ARHGAP26: variants seen among roughly 807,000 people sequenced by gnomAD.
The protein encoded by ARHGAP26 is Rho GTPase activating protein 26.
ARHGAP26 carries 38 observed loss-of-function variants against 104.8 expected under a neutral mutation model. The ratio of observed to expected loss-of-function variants is 0.36; its 90% CI spans 0.28 to 0.48. ARHGAP26 has a LOEUF of 0.48. Ranked by LOEUF, ARHGAP26 falls within the 20% of genes least tolerant of loss-of-function variation. The probability of loss-of-function intolerance (pLI) is 0.99; values close to 1 mark genes in which losing one functional copy is unlikely to be tolerated. For missense variants in ARHGAP26, 704 were observed against 947.9 expected, an observed-to-expected ratio of 0.74 and a Z score of 3.38; for synonymous variants, 341 against 340.0, an observed-to-expected ratio of 1.00 and a Z score of -0.03.
At chr5:143,087,306 T>C in intron 17 of ARHGAP26, among the ~76,000 whole-genome samples, 1 of 152,248 alleles carries the variant, frequency 6.6e-6, no homozygotes, top group Admixed American at 6.5e-5. Flanking sequence ...AACTTGGTTC[T>C]TTCATTGGAA....
intron 1 of ARHGAP26, among the ~76,000 whole-genome samples, chr5:142,835,658 C>T (rs902099147): frequency 6.6e-6 from 1 of 152,142 alleles, no homozygotes; most frequent in African/African-American, 2.4e-5. Flanking sequence ...TTTTATTGAG[C>T]ATTTTCTATG....
intron 1 of ARHGAP26, among the ~76,000 whole-genome samples, chr5:142,819,136 A>G (rs911795864): frequency 3.3e-5 from 5 of 152,144 alleles, no homozygotes; most frequent in African/African-American, 1.2e-4. Flanking sequence ...GTCTCCTCTT[A>G]CTTGCCTCTA....
chr5:143,216,473 T>A, intron 22 of ARHGAP26: 1 of 342,090 alleles, frequency 2.9e-6, no homozygotes, highest in Non-Finnish European at 5.8e-6. Flanking sequence ...TACTACAGCC[T>A]CATGCCTTCT....
At chr5:142,896,649 C>T (rs1020282199) in intron 6 of ARHGAP26, among the ~76,000 whole-genome samples, 7 of 152,122 alleles carry the variant, frequency 4.6e-5, no homozygotes, top group Admixed American at 4.6e-4. Context: ...ATTCCATTTC[C>T]TGGCATCCTG....
intron 5 of ARHGAP26, among the ~76,000 whole-genome samples, chr5:142,886,720 A>T (rs1383117643): frequency 6.6e-6 from 1 of 152,114 alleles, no homozygotes; most frequent in African/African-American, 2.4e-5. Flanking sequence ...AACCTAAAAA[A>T]TAAAAAAAAA....
chr5:142,779,292 C>T (rs1430700053), intron 1 of ARHGAP26, among the ~76,000 whole-genome samples: 3 of 152,138 alleles, frequency 2.0e-5, no homozygotes, highest in Non-Finnish European at 2.9e-5. Context: ...GTGTGGGCCA[C>T]GAGCTGTCAT....
At chr5:143,169,300 A>G (rs1452045953) in intron 20 of ARHGAP26, among the ~76,000 whole-genome samples, 1 of 152,234 alleles carries the variant, frequency 6.6e-6, no homozygotes, top group Admixed American at 6.5e-5. Context: ...AGCCCAAATA[A>G]GTTAGGCTAA....
At position 143,126,085 on chromosome 5, in the gene ARHGAP26, C is replaced by G. The variant is rs1424856354; in HGVS notation, c.1698+4938C>G. 2.6e-5 allele frequency among the ~76,000 whole-genome samples: 4 copies of G among 152,160 alleles called. No individual in the cohort carries two copies. In the East Asian group the frequency reaches 7.7e-4, roughly 29 times the overall value. On this transcript the variant is annotated intron_variant, in intron 18 of 22. Coordinates refer to ENST00000645722, the MANE Select transcript of ARHGAP26 (RefSeq NM_001135608.3). ...TCCCATTTTATCAAGATAGAACTAA[C>G]TATAATACAGTGTGCTAAATGACCT...
At chr5:142,799,293 A>G (rs1761596074) in intron 1 of ARHGAP26, among the ~76,000 whole-genome samples, 1 of 152,156 alleles carries the variant, frequency 6.6e-6, no homozygotes, top group Non-Finnish European at 1.5e-5. Context: ...TCAGACTATA[A>G]GATCCCCTTA....
At chr5:142,812,491 C>T (rs1764289688) in intron 1 of ARHGAP26, among the ~76,000 whole-genome samples, 1 of 152,056 alleles carries the variant, frequency 6.6e-6, no homozygotes, top group Admixed American at 6.6e-5. Context: ...GTGTGCGCCA[C>T]CATGCCCGGC....
intron 13 of ARHGAP26, among the ~76,000 whole-genome samples, chr5:143,038,537 A>G (rs73799523): frequency 4.1e-4 from 62 of 152,276 alleles, no homozygotes; most frequent in African/African-American, 1.4e-3. Context: ...AGCCATAAGG[A>G]TGTTTACACC....
rs1235396743 is a variant in ARHGAP26, at chr5:143,207,666, T to C, written c.2099+358T>C. Among the ~76,000 whole-genome samples the C allele has an allele frequency of 2.0e-5, 3 of 152,342 alleles. No individual in the cohort carries two copies. The East Asian group carries it at 5.8e-4, about 29-fold the overall frequency. ...CAAGTTTCTGAATTAACCTCTCTGG[T>C]GCCTAGAGTTAGGGGAAGGAGCACC... On this transcript the variant is annotated intron_variant, in intron 21 of 22. Coordinates refer to ENST00000645722, the MANE Select transcript of ARHGAP26 (RefSeq NM_001135608.3).
chr5:142,954,037 G>A (rs938834260), intron 11 of ARHGAP26, among the ~76,000 whole-genome samples: 9 of 152,164 alleles, frequency 5.9e-5, no homozygotes, highest in Non-Finnish European at 1.0e-4. Context: ...TATATGGCAC[G>A]CAAGTATGCT....
chr5:142,821,682 C>T (rs1399448449), intron 1 of ARHGAP26, among the ~76,000 whole-genome samples: 1 of 152,138 alleles, frequency 6.6e-6, no homozygotes, highest in Non-Finnish European at 1.5e-5. Context: ...GATTTATCTA[C>T]ACATTAAAAT....
intron 12 of ARHGAP26, among the ~76,000 whole-genome samples, chr5:143,020,554 A>G (rs7721749): frequency 0.15 from 22,442 of 151,410 alleles, 3,588 homozygotes; most frequent in African/African-American, 0.4. Context: ...AAGAAAAAAT[A>G]TAACACTTCC....
chr5:142,816,839 A>T (rs73795926), intron 1 of ARHGAP26, among the ~76,000 whole-genome samples: 1 of 152,284 alleles, frequency 6.6e-6, no homozygotes, highest in African/African-American at 2.4e-5. Flanking sequence ...TGTGATCAGC[A>T]CTGTGCTCAA....
At chr5:143,054,734 A>G (rs1785546483) in intron 15 of ARHGAP26, among the ~76,000 whole-genome samples, 1 of 152,232 alleles carries the variant, frequency 6.6e-6, no homozygotes, top group African/African-American at 2.4e-5. Context: ...TGACACCCTG[A>G]GTGATTTAGG....
In ARHGAP26 at chr5:143,079,643, G is replaced by A. The variant is rs75654033; in HGVS notation, c.1538+21896G>A. On this transcript the variant is annotated intron_variant, in intron 17 of 22. Transcript: ENST00000645722. ...ACATGTTTTTAAATATATTTACCTT[G>A]TTCAGGTCTTGGAGCAAGCACTTGC... Among the ~76,000 whole-genome samples the A allele has an allele frequency of 2.4e-4, 36 of 152,296 alleles. No individual in the cohort carries two copies. The East Asian group carries it at 6.0e-3, about 25-fold the overall frequency.
At chr5:142,955,417 T>C (rs1769090341) in intron 11 of ARHGAP26, among the ~76,000 whole-genome samples, 1 of 152,234 alleles carries the variant, frequency 6.6e-6, no homozygotes, top group African/African-American at 2.4e-5. Context: ...TTCCTGGTGA[T>C]GTGCTGTGAT....
Sources: gnomAD v4.1 joint callset for allele counts (sites outside exome capture counted in the v4.1 genomes callset) on GRCh38, gnomAD v4.1.1 for gene constraint, MANE v1.5 for transcripts, NCBI Gene and HGNC (gene_info 2026-07-23, HGNC 2026-07-21) for gene names.